PCMT1: variants seen among roughly 807,000 people sequenced by gnomAD.
PCMT1 encodes the protein protein-L-isoaspartate(D-aspartate) O-methyltransferase.
PCMT1 carries 9 observed loss-of-function variants against 29.2 expected under a neutral mutation model. The observed-to-expected ratio is 0.31, with a 90% confidence interval of 0.19 to 0.54. The LOEUF is 0.54. Among genes scored for constraint, PCMT1 ranks in the 20% least tolerant of loss-of-function variants. The pLI is 0.95. For missense variants in PCMT1, 184 were observed against 282.2 expected, an observed-to-expected ratio of 0.65 and a Z score of 2.49; for synonymous variants, 98 against 97.5, an observed-to-expected ratio of 1.00 and a Z score of -0.03.
intron 3 of PCMT1, among the ~76,000 whole-genome samples, chr6:149,786,081 G>A (rs1241736438): frequency 6.9e-6 from 1 of 143,978 alleles, no homozygotes; most frequent in African/African-American, 2.6e-5. Context: ...TAGCCGGGCA[G>A]AGGAGCTCCT....
Position 149,810,890 on chromosome 6 carries a change from G to A in PCMT1, c.*312G>A, listed in dbSNP as rs562572933. On this transcript the variant is annotated 3_prime_UTR_variant, in exon 8 of 8. Transcript: ENST00000464889. Reference sequence around the variant, plus strand: ...TTTACTTGGAAATATTAAAAGAAAGGGTTCTGTAAAATGGAAAACTTAGTT... The same window carrying A: ...TTTACTTGGAAATATTAAAAGAAAGAGTTCTGTAAAATGGAAAACTTAGTT... 3.1e-5 allele frequency: 11 copies of A among 359,438 alleles called. No homozygotes were observed. In the East Asian group the frequency reaches 5.0e-4, roughly 16 times the overall value. The allele number at this position is 359,438 out of a possible 1,614,324, so 22.3% of individuals were successfully genotyped here.
At chr6:149,786,148 T>C (rs1429109662) in intron 3 of PCMT1, among the ~76,000 whole-genome samples, 1 of 97,292 alleles carries the variant, frequency 1.0e-5, no homozygotes. Flanking sequence ...ACGGGGCGGC[T>C]GGCCGGGCGG....
At chr6:149,803,684 T>C (rs1775923074) in intron 7 of PCMT1, among the ~76,000 whole-genome samples, 1 of 151,936 alleles carries the variant, frequency 6.6e-6, no homozygotes, top group South Asian at 2.1e-4. Flanking sequence ...TTAAAATAAT[T>C]AGTTTCTTAA....
intron 1 of PCMT1, among the ~76,000 whole-genome samples, chr6:149,762,485 T>C (rs2065664): frequency 0.037 from 1,393 of 37,158 alleles, 118 homozygotes; most frequent in East Asian, 0.24. Context: ...TATTTTAGAG[T>C]GCTGGTAATC....
chr6:149,765,760 A>T (rs751023792), intron 1 of PCMT1: 1 of 314,934 alleles, frequency 3.2e-6, no homozygotes, highest in Middle Eastern at 1.2e-3. Context: ...TAAGGTCAGG[A>T]GTTTGAGACC....
chr6:149,771,042 C>T (rs982242748), intron 1 of PCMT1, 120 bp from the exon 2 acceptor site: 2 of 538,730 alleles, frequency 3.7e-6, no homozygotes, highest in Admixed American at 3.7e-5. Context: ...TGGGCCATTA[C>T]AACAACTTCC....
rs562248915 is a variant in PCMT1 at position 149,750,599 on chromosome 6, G to C, written c.55+643G>C. Reference sequence around the variant, plus strand: ...GGGCGGAGAAAGAACAGGGGATGCTGTTCCTGAGAGACTTGTATTTCAGGA... The same window carrying C: ...GGGCGGAGAAAGAACAGGGGATGCTCTTCCTGAGAGACTTGTATTTCAGGA... On this transcript the variant is annotated intron_variant, in intron 1 of 7. Transcript: ENST00000464889. 4.6e-5 allele frequency among the ~76,000 whole-genome samples: 7 copies of C among 152,290 alleles called. No homozygotes were observed. The East Asian group carries it at 1.4e-3, about 29-fold the overall frequency.
intron 7 of PCMT1, 100 bp from the exon 8 acceptor site, chr6:149,810,516 C>T (rs759344544): frequency 5.0e-5 from 40 of 801,812 alleles, no homozygotes; most frequent in East Asian, 2.3e-4. Context: ...TGGTGATCAG[C>T]GCATTTTTAT....
intron 3 of PCMT1, among the ~76,000 whole-genome samples, chr6:149,778,834 G>A (rs1311086991): frequency 2.0e-5 from 3 of 151,944 alleles, no homozygotes; most frequent in African/African-American, 7.3e-5. Flanking sequence ...CCACTGGGCC[G>A]GGCTTTCTTT....
intron 3 of PCMT1, among the ~76,000 whole-genome samples, chr6:149,782,922 C>T (rs1017884404): frequency 2.6e-5 from 4 of 151,942 alleles, no homozygotes; most frequent in South Asian, 2.1e-4. Context: ...TTCAGGAGGC[C>T]GAGCGGGCAG....
intron 1 of PCMT1, among the ~76,000 whole-genome samples, chr6:149,766,703 C>G (rs1787101203): frequency 6.6e-6 from 1 of 152,142 alleles, no homozygotes. Context: ...ACTATTTGGA[C>G]CTTTACAGTT....
intron 4 of PCMT1, among the ~76,000 whole-genome samples, chr6:149,791,743 T>A (rs1788382001): frequency 6.6e-6 from 1 of 152,226 alleles, no homozygotes; most frequent in African/African-American, 2.4e-5. Context: ...TTAATGGATA[T>A]CAGTGATTTT....
intron 1 of PCMT1, among the ~76,000 whole-genome samples, chr6:149,766,850 A>G (rs1787106804): frequency 6.6e-6 from 1 of 152,138 alleles, no homozygotes; most frequent in African/African-American, 2.4e-5. Flanking sequence ...TGGCTTTTCT[A>G]GAATGTGTTA....
At chr6:149,797,614 G>A (rs1032220057) in intron 6 of PCMT1, 1 of 152,180 alleles carries the variant, frequency 6.6e-6, no homozygotes, top group African/African-American at 2.4e-5. Flanking sequence ...AAGCTGTTGA[G>A]GCTGCATTGA....
chr6:149,780,658 AGATT>A (rs1363194661), intron 3 of PCMT1, among the ~76,000 whole-genome samples: 2 of 152,228 alleles, frequency 1.3e-5, no homozygotes, highest in Non-Finnish European at 2.9e-5. Context: ...AATGTTTTCA[AGATT>A]GATCCCTGTT....
intron 3 of PCMT1, among the ~76,000 whole-genome samples, chr6:149,786,728 C>T (rs1439694470): frequency 6.8e-6 from 1 of 147,770 alleles, no homozygotes; most frequent in East Asian, 2.0e-4. Flanking sequence ...GGCGGCGGGG[C>T]AGAGGCGCTC....
intron 3 of PCMT1, among the ~76,000 whole-genome samples, chr6:149,787,271 A>AGAGCGGGAGACCGTGGG (rs1788148576): frequency 2.8e-5 from 2 of 71,542 alleles, no homozygotes; most frequent in Admixed American, 5.2e-4. Flanking sequence ...GACCGTGGAA[A>AGAGCGGGAGACCGTGGG]GAGAGGGAGA....
At chr6:149,756,101 G>C (rs1786492053) in intron 1 of PCMT1, among the ~76,000 whole-genome samples, 1 of 152,178 alleles carries the variant, frequency 6.6e-6, no homozygotes, top group Admixed American at 6.6e-5. Flanking sequence ...GAAATGGTGA[G>C]TGAGTGAGCA....
At chr6:149,787,703 A>G (rs1788180415) in intron 3 of PCMT1, among the ~76,000 whole-genome samples, 1 of 151,946 alleles carries the variant, frequency 6.6e-6, no homozygotes, top group Non-Finnish European at 1.5e-5. Flanking sequence ...TGACTTACAG[A>G]AATATTATGC....
Sources: allele counts gnomAD v4.1 joint callset (sites outside exome capture counted in the v4.1 genomes callset), GRCh38; gene constraint gnomAD v4.1.1; transcripts MANE v1.5; gene names NCBI Gene and HGNC (gene_info 2026-07-23, HGNC 2026-07-21).